The following CACNA1I variants were observed in gnomAD, a reference collection of about 807,000 sequenced individuals.
The protein encoded by CACNA1I is voltage-dependent T-type calcium channel subunit alpha-1I.
A neutral mutation model predicts 201.6 loss-of-function variants in CACNA1I; 74 were observed. That is an observed-to-expected ratio of 0.37 (90% CI 0.30 to 0.45). CACNA1I has a LOEUF of 0.45. Ranked by LOEUF, CACNA1I falls within the 20% of genes least tolerant of loss-of-function variation. The pLI, the probability that CACNA1I is intolerant of heterozygous loss-of-function variation, is 1.00. For synonymous variants in CACNA1I, 1,431 were observed against 1,345.2 expected, an observed-to-expected ratio of 1.06 and a Z score of -1.40; for missense variants, 2,346 against 3,138.1, an observed-to-expected ratio of 0.75 and a Z score of 6.03.
chr22:39,656,487 C>A, intron 10 of CACNA1I: 1 of 515,530 alleles, frequency 1.9e-6, no homozygotes, highest in Non-Finnish European at 3.9e-6. Context: ...CGTCAGCACA[C>A]ACTGGCTTGG....
chr22:39,661,317 CCTTGTGGGGAGCT>C lies in CACNA1I; in HGVS notation c.2901+10_2901+22del, dbSNP rs1935003267. ...CTATGACCAGCGCTCCCTGGTGAGTCCTTGTGGGGAGCTCTGGACGGGCGCTTCCTGCTGGGGT... is the reference window on the plus strand; with the variant it reads ...CTATGACCAGCGCTCCCTGGTGAGTCCTGGACGGGCGCTTCCTGCTGGGGT... On this transcript the variant is annotated splice_region_variant and intron_variant, in intron 16 of 36. Transcript: ENST00000402142. 1 of 1,546,962 alleles carries C rather than the reference CCTTGTGGGGAGCT, an allele frequency of 6.5e-7. No individual in the cohort carries two copies.
Position 39,670,098 on chromosome 22 carries a change from A to T in CACNA1I, c.4255A>T (p.Ser1419Cys). Residue 1419 changes from serine to cysteine, a missense_variant, in exon 25 of 37, where the codon AGC (serine) becomes TGC (cysteine). Transcript: ENST00000402142. ...LYFISFLLIVSFFVLNMFVGV... is the reference protein window; with the variant it reads ...LYFISFLLIVCFFVLNMFVGV... Reference sequence around the variant, plus strand: ...CTTCATCTCCTTCCTGCTCATCGTCAGCTTCTTTGTGCTCAACATGTTTGT... The same window carrying T: ...CTTCATCTCCTTCCTGCTCATCGTCTGCTTCTTTGTGCTCAACATGTTTGT... 6.2e-7 allele frequency: 1 copy of T among 1,613,676 alleles called. No individual in the cohort carries two copies. Among genetic ancestry groups the T allele is most frequent in the Non-Finnish European group, 8.5e-7 (1 of 1,179,874 alleles).
intron 3 of CACNA1I, among the ~76,000 whole-genome samples, chr22:39,615,544 T>A (rs988078268): frequency 1.3e-5 from 2 of 152,132 alleles, no homozygotes; most frequent in African/African-American, 4.8e-5. Context: ...TGAGTCATTG[T>A]CAAGACAGTG....
In CACNA1I at chr22:39,665,368, G is replaced by A. The variant is rs1569090775; in HGVS notation, c.3852-130G>A. The A allele has an allele frequency of 4.7e-6, 5 of 1,060,464 alleles. 1 individual carries two copies. The highest frequency in any genetic ancestry group is 5.0e-5 in the East Asian group (2 of 39,898). The allele number at this position is 1,060,464 out of a possible 1,614,324, so 65.7% of individuals were successfully genotyped here. A position where few individuals can be genotyped will look rare whatever the true frequency, so the allele number is the denominator to read the frequency against. ...CTGGAGACTGTCCTCATGCCCCAGGGTGTTCAGCCCTGGTGAGCCCTGGGG... is the reference window on the plus strand; with the variant it reads ...CTGGAGACTGTCCTCATGCCCCAGGATGTTCAGCCCTGGTGAGCCCTGGGG... On this transcript the variant is annotated intron_variant, in intron 21 of 36. Coordinates refer to ENST00000402142, the MANE Select transcript of CACNA1I (RefSeq NM_021096.4). This position sits in a 1 kb window ranked among gnomAD's most constrained non-coding sequence, Gnocchi z 5.5.
At chr22:39,588,403 T>TTGAGATG (rs1932784041) in intron 1 of CACNA1I, among the ~76,000 whole-genome samples, 1 of 142,686 alleles carries the variant, frequency 7.0e-6, no homozygotes. Context: ...TTTTTTTTTT[T>TTGAGATG]GAGGCAGAGT....
chr22:39,667,995 A>C (rs1935249017), intron 23 of CACNA1I, among the ~76,000 whole-genome samples: 1 of 152,204 alleles, frequency 6.6e-6, no homozygotes, highest in Non-Finnish European at 1.5e-5. Context: ...ACAGGAGTTC[A>C]TGAATTTTTT....
At position 39,677,844 on chromosome 22, in the gene CACNA1I, AG is replaced by A; in HGVS notation, c.4934-142del. Reference sequence around the variant, plus strand: ...CTCATGTGCCATCTCCCCGAGCCTCAGTTTATCTGTGGGCTGGGCACAGTCT... The same window carrying A: ...CTCATGTGCCATCTCCCCGAGCCTCATTTATCTGTGGGCTGGGCACAGTCT... On this transcript the variant is annotated intron_variant, in intron 30 of 36. Transcript: ENST00000402142. The surrounding 1 kb of genome is among the most constrained non-coding windows in gnomAD (Gnocchi z 4.8). 1.1e-6 allele frequency: 1 copy of A among 905,986 alleles called. No homozygotes were observed. The highest frequency in any genetic ancestry group is 1.8e-5 in the South Asian group (1 of 54,968). The allele number at this position is 905,986 out of a possible 1,614,324, so 56.1% of individuals were successfully genotyped here.
At chr22:39,595,006 C>G (rs887607849) in intron 1 of CACNA1I, among the ~76,000 whole-genome samples, 2 of 152,166 alleles carry the variant, frequency 1.3e-5, no homozygotes, top group African/African-American at 2.4e-5. Flanking sequence ...ATAGAACAAT[C>G]ACGCCAGGCG....
chr22:39,604,783 A>C (rs1601811283), intron 3 of CACNA1I, among the ~76,000 whole-genome samples: 1 of 151,262 alleles, frequency 6.6e-6, no homozygotes, highest in East Asian at 1.9e-4. Flanking sequence ...TTGTAGAGAC[A>C]AGCTCTCACT....
chr22:39,584,815 C>T (rs1405654893), intron 1 of CACNA1I, among the ~76,000 whole-genome samples: 1 of 152,212 alleles, frequency 6.6e-6, no homozygotes, highest in African/African-American at 2.4e-5. Flanking sequence ...TTAGCAACTT[C>T]TGTGGCTGTC....
chr22:39,622,872 G>A (rs1468989689), intron 4 of CACNA1I, among the ~76,000 whole-genome samples: 2 of 152,140 alleles, frequency 1.3e-5, no homozygotes, highest in African/African-American at 4.8e-5. Flanking sequence ...TCTGTCCTGG[G>A]GGACGGCGGG....
intron 4 of CACNA1I, among the ~76,000 whole-genome samples, chr22:39,628,166 A>G (rs1482633620): frequency 2.0e-5 from 3 of 152,182 alleles, no homozygotes; most frequent in Non-Finnish European, 2.9e-5. Context: ...GGACTGGGCC[A>G]CTGTGTGGAT....
Position 39,586,317 on chromosome 22 carries a change from C to T in CACNA1I, c.237-11834C>T, listed in dbSNP as rs934688780. The stretch of plus-strand genomic sequence containing the variant: ...CCAGCCTGGCCAACATATAATGAAA[C>T]CCCTTCTCTACTAAAAATACAAAAA... On this transcript the variant is annotated intron_variant, in intron 1 of 36. Coordinates refer to ENST00000402142, the MANE Select transcript of CACNA1I (RefSeq NM_021096.4). Among the ~76,000 whole-genome samples, 3 of 151,958 alleles carry T rather than the reference C, an allele frequency of 2.0e-5. No homozygotes were observed. In the East Asian group the frequency reaches 5.8e-4, roughly 29 times the overall value.
intron 1 of CACNA1I, among the ~76,000 whole-genome samples, chr22:39,593,303 G>A (rs1186043711): frequency 6.6e-6 from 1 of 152,214 alleles, no homozygotes; most frequent in African/African-American, 2.4e-5. Flanking sequence ...GGGATTGTGA[G>A]AGCTGAGGTC....
chr22:39,661,082 CCTCT>C (rs1174081807), intron 15 of CACNA1I, 22 bp from the exon 16 acceptor site: 1 of 1,586,036 alleles, frequency 6.3e-7, no homozygotes, highest in South Asian at 1.1e-5. Flanking sequence ...TCTGTCCCTC[CCTCT>C]GTCTCCATCT....
At chr22:39,641,288 C>G in intron 6 of CACNA1I, 106 bp downstream of exon 6, 1 of 921,982 alleles carries the variant, frequency 1.1e-6, no homozygotes, top group South Asian at 1.6e-5. Context: ...TCACTGAAAC[C>G]TGCCCAGCTT....
At chr22:39,571,806 T>C (rs1932193420) in intron 1 of CACNA1I, among the ~76,000 whole-genome samples, 2 of 152,220 alleles carry the variant, frequency 1.3e-5, no homozygotes, top group Non-Finnish European at 2.9e-5. Context: ...ACTGTGGAAT[T>C]CTGAATCTAA....
At chr22:39,578,036 G>A (rs1277572889) in intron 1 of CACNA1I, among the ~76,000 whole-genome samples, 3 of 152,094 alleles carry the variant, frequency 2.0e-5, no homozygotes, top group Admixed American at 6.5e-5. Context: ...TGGAGCTGAC[G>A]GAGTCGCTGA....
At chr22:39,658,740 G>T (rs1383356498) in intron 11 of CACNA1I, among the ~76,000 whole-genome samples, 191 bp from the exon 12 acceptor site, 1 of 152,258 alleles carries the variant, frequency 6.6e-6, no homozygotes, top group Non-Finnish European at 1.5e-5. Context: ...GGGTGGTGGT[G>T]GTCCATGGAC....
Sources: allele counts gnomAD v4.1 joint callset (sites outside exome capture counted in the v4.1 genomes callset), GRCh38; gene constraint gnomAD v4.1.1; non-coding constraint Gnocchi (gnomAD v3.1); transcripts MANE v1.5; gene names NCBI Gene and HGNC (gene_info 2026-07-23, HGNC 2026-07-21).